Variants in USP30 observed in about 807,000 individuals in gnomAD.
USP30 encodes ubiquitin carboxyl-terminal hydrolase 30.
In USP30, 41 loss-of-function variants were observed where a neutral mutation model predicts 68.2. The observed-to-expected ratio is 0.60, with a 90% CI of 0.47 to 0.78. The LOEUF is 0.78. USP30 is among the 30% of genes least tolerant of loss of function. The pLI is 0.00. For missense variants in USP30, 522 were observed against 649.4 expected (o/e 0.80, Z 2.13); for synonymous variants, 229 against 253.7 (o/e 0.90, Z 0.93).
At chr12:109,066,540 C>T (rs190039928) in intron 3 of USP30, among the ~76,000 whole-genome samples, 241 of 152,154 alleles carry the variant, frequency 1.6e-3, no homozygotes, top group Non-Finnish European at 2.8e-3. Flanking sequence ...AAAAATTAGT[C>T]GGGCATGGTA....
intron 9 of USP30, 130 bp downstream of exon 9, chr12:109,082,149 A>C: frequency 1.0e-6 from 1 of 970,712 alleles, no homozygotes; most frequent in East Asian, 2.4e-5. Flanking sequence ...ACTTCTCCCT[A>C]ATTTGGTTTG....
upstream of USP30, among the ~76,000 whole-genome samples, chr12:109,048,860 A>G (rs1352906779): frequency 6.6e-6 from 1 of 152,190 alleles, no homozygotes; most frequent in Non-Finnish European, 1.5e-5. Flanking sequence ...CCTGTTTATA[A>G]TTTGGTATCT....
At chr12:109,061,615 G>A (rs1051284557) in intron 3 of USP30, among the ~76,000 whole-genome samples, 1 of 151,690 alleles carries the variant, frequency 6.6e-6, no homozygotes, top group Non-Finnish European at 1.5e-5. Flanking sequence ...TTGACTTGTT[G>A]CCCAGGCTGG....
Position 109,073,228 on chromosome 12 carries a change from C to T in USP30, c.626-210C>T, listed in dbSNP as rs145439261. 4.1e-3 allele frequency among the ~76,000 whole-genome samples: 622 copies of T among 152,178 alleles called. 4 individuals carry two copies. Among genetic ancestry groups the T allele is most frequent in the African/African-American group, 0.014 (583 of 41,504 alleles). The stretch of plus-strand genomic sequence containing the variant: ...GTGGCTCTACCCATTATACAGAAAC[C>T]GTATATAAAGATAGATCTGTGTAAA... On this transcript the variant is annotated intron_variant, in intron 6 of 12. Coordinates refer to ENST00000257548, the MANE Select transcript of USP30 (RefSeq NM_032663.5).
chr12:109,081,212 A>G lies in USP30; in HGVS notation c.721-122A>G. 9.3e-6 allele frequency: 8 copies of G among 858,884 alleles called. No homozygotes were observed. The South Asian group carries it at 1.3e-4, about 14-fold the overall frequency. The allele number at this position is 858,884 out of a possible 1,614,324, so 53.2% of individuals were successfully genotyped here. ...TAGAATTTTATTCTAAGTACATTAT[A>G]TTTTACTGTGTTAATGTTGGGCATC... On this transcript the variant is annotated intron_variant, in intron 7 of 12. Transcript: ENST00000257548.
At chr12:109,045,011 T>C (rs1431197475) in intron 3 of USP30, among the ~76,000 whole-genome samples, 6 of 99,582 alleles carry the variant, frequency 6.0e-5, no homozygotes, top group Admixed American at 1.2e-4. Context: ...TTTTTTTTTT[T>C]CTGTTACCCA....
At chr12:109,038,570 G>A (rs1021736790) in intron 3 of USP30, among the ~76,000 whole-genome samples, 13 of 151,848 alleles carry the variant, frequency 8.6e-5, no homozygotes, top group Non-Finnish European at 1.6e-4. Flanking sequence ...ATACTTACCT[G>A]CAATGTTTCA....
Position 109,072,328 on chromosome 12 carries a change from A to C in USP30, c.603A>C (p.Lys201Asn). Reference sequence around the variant, plus strand: ...AGCAGCAGTCAGAAATAACTCCCAAACAAATTACCTGCCGCACAAGAGGTA... The same window carrying C: ...AGCAGCAGTCAGAAATAACTCCCAACCAAATTACCTGCCGCACAAGAGGTA... ...SLEQQSEITPKQITCRTRGSP... is the reference protein window; with the variant it reads ...SLEQQSEITPNQITCRTRGSP... Residue 201 changes from lysine (K) to asparagine (N), a missense_variant, in exon 6 of 13, where the codon AAA becomes AAC. Physicochemically the swap from Lys to Asn is moderately conservative, Grantham distance 94. Transcript: ENST00000257548. The C allele has an allele frequency of 6.2e-7, 1 of 1,613,974 alleles. No homozygotes were observed. The highest frequency in any genetic ancestry group is 1.7e-4 in the Middle Eastern group (1 of 6,060).
chr12:109,036,967 A>G (rs1360819758), intron 3 of USP30, among the ~76,000 whole-genome samples: 1 of 152,168 alleles, frequency 6.6e-6, no homozygotes, highest in Non-Finnish European at 1.5e-5. Flanking sequence ...AATGTTTTCC[A>G]TAAAATGTTG....
chr12:109,034,400 T>C (rs1375645076), intron 3 of USP30, among the ~76,000 whole-genome samples: 1 of 152,178 alleles, frequency 6.6e-6, no homozygotes, highest in Non-Finnish European at 1.5e-5. Context: ...TGGTCTATCT[T>C]GAGGAATGTT....
In USP30 at chr12:109,067,520, C is replaced by A. The variant is rs1299937168; in HGVS notation, c.377-4C>A. Reference sequence around the variant, plus strand: ...AATAATTGTCTTACCTTTTTTGTTTCCAGCCTTGTCCTGCCAAGAAGTTAC... The same window carrying A: ...AATAATTGTCTTACCTTTTTTGTTTACAGCCTTGTCCTGCCAAGAAGTTAC... On this transcript the variant is annotated splice_polypyrimidine_tract_variant and splice_region_variant and intron_variant, in intron 3 of 12. Transcript: ENST00000257548. 10 of 1,609,964 alleles carry A rather than the reference C, an allele frequency of 6.2e-6. No homozygotes were observed. The highest frequency in any genetic ancestry group is 8.5e-6 in the Non-Finnish European group (10 of 1,178,592).
intron 3 of USP30, among the ~76,000 whole-genome samples, chr12:109,037,167 T>C (rs1209649702): frequency 6.6e-6 from 1 of 152,224 alleles, no homozygotes; most frequent in Non-Finnish European, 1.5e-5. Flanking sequence ...TTCATGTTCA[T>C]TGATACTTTG....
At position 109,082,606 on chromosome 12, in the gene USP30, A is replaced by G. The variant is rs1355730481; in HGVS notation, c.868-57A>G. On this transcript the variant is annotated intron_variant, in intron 9 of 12. Coordinates refer to ENST00000257548, the MANE Select transcript of USP30 (RefSeq NM_032663.5). Reference sequence around the variant, plus strand: ...CTATAACACCACTGTGGTCTGCAGCACTCCAAAGCTGTCCTATTTTAGGCA... The same window carrying G: ...CTATAACACCACTGTGGTCTGCAGCGCTCCAAAGCTGTCCTATTTTAGGCA... 5.1e-6 allele frequency: 8 copies of G among 1,563,286 alleles called. 1 individual carries two copies. The highest frequency in any genetic ancestry group is 7.0e-6 in the Non-Finnish European group (8 of 1,143,192).
At position 109,067,545 on chromosome 12, in the gene USP30, C is replaced by A. The variant is rs750822871; in HGVS notation, c.398C>A (p.Thr133Asn). ...LLKALSCQEVTDDEVLDASCL... is the reference protein window; with the variant it reads ...LLKALSCQEVNDDEVLDASCL... ...CCAGCCTTGTCCTGCCAAGAAGTTA[C>A]TGATGATGAGGTCTTAGATGCAAGC... Residue 133 changes from threonine to asparagine, a missense_variant, in exon 4 of 13, where the codon ACT (threonine) becomes AAT (asparagine). Coordinates refer to ENST00000257548, the MANE Select transcript of USP30 (RefSeq NM_032663.5). 1 of 1,614,108 alleles carries A rather than the reference C, an allele frequency of 6.2e-7. No homozygotes were observed. Among genetic ancestry groups the A allele is most frequent in the Admixed American group, 1.7e-5 (1 of 60,010 alleles).
At chr12:109,076,732 C>CTTTTTTTTTTTTTTTTTTTTTT (rs71079520) in intron 7 of USP30, among the ~76,000 whole-genome samples, 1 of 124,738 alleles carries the variant, frequency 8.0e-6, no homozygotes. Context: ...TTGATTTTTT[C>CTTTTTTTTTTTTTTTTTTTTTT]TTTTTTTTTT....
chr12:109,024,049 C>G (rs528681962), intron 1 of USP30, among the ~76,000 whole-genome samples: 1 of 152,122 alleles, frequency 6.6e-6, no homozygotes, highest in Non-Finnish European at 1.5e-5. Context: ...TGGGGACTCT[C>G]TTCCCAGCTC....
At chr12:109,050,937 G>T (rs370849464), upstream of USP30, among the ~76,000 whole-genome samples, 17 of 152,020 alleles carry the variant, frequency 1.1e-4, no homozygotes, top group East Asian at 1.5e-3. Context: ...AACCTGAGAG[G>T]CGAGATCGTG....
upstream of USP30, among the ~76,000 whole-genome samples, chr12:109,049,505 T>A (rs149085800): frequency 1.2e-3 from 179 of 152,276 alleles, no homozygotes; most frequent in African/African-American, 4.1e-3. Context: ...ATCACCTTAA[T>A]AGGTGTAATA....
At chr12:109,036,928 G>A (rs1429553546) in intron 3 of USP30, among the ~76,000 whole-genome samples, 2 of 151,978 alleles carry the variant, frequency 1.3e-5, no homozygotes, top group South Asian at 2.1e-4. Context: ...TTCTCTTGGA[G>A]TTCATTGAGC....
Sources: gnomAD v4.1 joint callset for allele counts (sites outside exome capture counted in the v4.1 genomes callset) on GRCh38, gnomAD v4.1.1 for gene constraint, MANE v1.5 for transcripts, NCBI Gene and HGNC (gene_info 2026-07-23, HGNC 2026-07-21) for gene names.